Variants in DCC observed in about 807,000 individuals in gnomAD.
DCC encodes the protein DCC netrin 1 receptor, also known as netrin receptor DCC.
Under a neutral mutation model 172.5 loss-of-function variants are expected in DCC, and 58 were observed. The ratio of observed to expected loss-of-function variants is 0.34; its 90% CI spans 0.27 to 0.42. DCC has a LOEUF of 0.42. Ranked by LOEUF, DCC falls within the 10% of genes least tolerant of loss-of-function variation. DCC has a pLI of 1.00. For synonymous variants in DCC, 709 were observed against 644.5 expected (o/e 1.10, Z -1.52); for missense variants, 1,740 against 1,791.0 (o/e 0.97, Z 0.51).
intron 7 of DCC, among the ~76,000 whole-genome samples, chr18:53,071,788 G>T (rs2042654532): frequency 6.6e-6 from 1 of 152,156 alleles, no homozygotes; most frequent in South Asian, 2.1e-4. Context: ...CATTATTACT[G>T]CAAGTATACT....
At chr18:53,436,888 C>G (rs923145424) in intron 22 of DCC, among the ~76,000 whole-genome samples, 3 of 152,132 alleles carry the variant, frequency 2.0e-5, no homozygotes, top group Non-Finnish European at 4.4e-5. Context: ...GGCTCATTCT[C>G]TGCTTCACAG....
intron 7 of DCC, among the ~76,000 whole-genome samples, chr18:53,119,117 CT>C (rs2043447211): frequency 6.6e-6 from 1 of 151,742 alleles, no homozygotes. Context: ...CTGTGTCCCC[CT>C]GAGGTATCAC....
intron 1 of DCC, among the ~76,000 whole-genome samples, chr18:52,645,319 G>A (rs2034998552): frequency 6.6e-6 from 1 of 151,950 alleles, no homozygotes; most frequent in African/African-American, 2.4e-5. Context: ...AGAAATGGAA[G>A]GTTCTAAGGC....
intron 2 of DCC, among the ~76,000 whole-genome samples, chr18:52,818,887 G>A (rs28501638): frequency 0.042 from 6,467 of 152,298 alleles, 227 homozygotes; most frequent in South Asian, 0.17. Flanking sequence ...AAAAGTTAGA[G>A]ACTTGAATCA....
chr18:52,502,928 G>T (rs1346612907), intron 1 of DCC, among the ~76,000 whole-genome samples: 2 of 152,096 alleles, frequency 1.3e-5, no homozygotes, highest in East Asian at 3.9e-4. Flanking sequence ...GTGCTGTCTT[G>T]CTAATATTTG....
intron 6 of DCC, 125 bp from the exon 7 acceptor site, chr18:53,065,921 C>T: frequency 8.9e-7 from 1 of 1,128,728 alleles, no homozygotes; most frequent in East Asian, 2.4e-5. Flanking sequence ...GGCTGAGACC[C>T]CTCATGGCCT....
intron 5 of DCC, among the ~76,000 whole-genome samples, chr18:53,061,719 A>G (rs184428639): frequency 1.0e-3 from 158 of 152,282 alleles, no homozygotes; most frequent in African/African-American, 3.2e-3. Context: ...GTCTGGCTTC[A>G]TAATTTACAA....
chr18:53,193,416 T>G (rs4471756), intron 9 of DCC, among the ~76,000 whole-genome samples: 134,747 of 152,160 alleles, frequency 0.89, 59,834 homozygotes, highest in Middle Eastern at 0.94. Context: ...CATTTCCTTT[T>G]TGCCAGATAT....
At chr18:52,607,859 G>C (rs1221880) in intron 1 of DCC, among the ~76,000 whole-genome samples, 123,643 of 152,066 alleles carry the variant, frequency 0.81, 51,015 homozygotes, top group Middle Eastern at 0.91. Context: ...CAGAGAAACA[G>C]GGAGGTTTTC....
chr18:53,086,864 T>C (rs2042920700), intron 7 of DCC, among the ~76,000 whole-genome samples: 1 of 149,798 alleles, frequency 6.7e-6, no homozygotes, highest in South Asian at 2.1e-4. Context: ...TGGTTTTTTG[T>C]TCTTGCAATA....
At position 53,066,391 on chromosome 18, in the gene DCC, ATATATATG is replaced by A. The variant is rs1487021001; in HGVS notation, c.1261+227_1261+234del. Among the ~76,000 whole-genome samples, 248 of 100,880 alleles carry A rather than the reference ATATATATG, an allele frequency of 2.5e-3. 1 individual carries two copies. The highest frequency in any genetic ancestry group is 3.9e-3 in the Non-Finnish European group (189 of 48,762). The allele number at this position is 100,880 out of a possible 152,430, so 66.2% of individuals were successfully genotyped here. A position where few individuals can be genotyped will look rare whatever the true frequency, so the allele number is the denominator to read the frequency against. On this transcript the variant is annotated intron_variant, in intron 7 of 28. Coordinates refer to ENST00000442544, the MANE Select transcript of DCC (RefSeq NM_005215.4). ...TATATATATATATATATATATATAT[ATATATATG>A]TGCATGTGTGTATGTGTGTGTTTGT...
At chr18:52,804,012 T>G (rs958823619) in intron 2 of DCC, among the ~76,000 whole-genome samples, 6 of 152,182 alleles carry the variant, frequency 3.9e-5, no homozygotes, top group African/African-American at 1.4e-4. Context: ...GCACCTGGAC[T>G]CGGGCGTCTG....
At chr18:52,896,020 G>T (rs987346957) in intron 2 of DCC, among the ~76,000 whole-genome samples, 4 of 152,074 alleles carry the variant, frequency 2.6e-5, no homozygotes, top group African/African-American at 9.7e-5. Flanking sequence ...CTTGACCTCA[G>T]GTGATTCGCC....
intron 1 of DCC, among the ~76,000 whole-genome samples, chr18:52,459,918 C>A (rs12458565): frequency 2.0e-5 from 3 of 151,178 alleles, no homozygotes; most frequent in Non-Finnish European, 4.4e-5. Flanking sequence ...TATATACACA[C>A]ATATATATAT....
intron 12 of DCC, among the ~76,000 whole-genome samples, chr18:53,286,505 G>T (rs535810778): frequency 6.6e-6 from 1 of 152,204 alleles, no homozygotes; most frequent in East Asian, 1.9e-4. Flanking sequence ...TCTTTCTTTT[G>T]TAAATTGCCC....
At chr18:52,668,369 G>A (rs1487774596) in intron 1 of DCC, among the ~76,000 whole-genome samples, 1 of 152,174 alleles carries the variant, frequency 6.6e-6, no homozygotes, top group African/African-American at 2.4e-5. Context: ...TTCATGGACA[G>A]GAGGTACAGA....
intron 21 of DCC, among the ~76,000 whole-genome samples, chr18:53,425,396 C>T (rs1304162237): frequency 7.5e-6 from 1 of 133,220 alleles, no homozygotes; most frequent in African/African-American, 2.8e-5. Flanking sequence ...GTCTCACTCT[C>T]TCACCCGGGC....
intron 12 of DCC, among the ~76,000 whole-genome samples, chr18:53,222,228 G>A (rs1363032956): frequency 6.6e-6 from 1 of 151,954 alleles, no homozygotes; most frequent in Non-Finnish European, 1.5e-5. Flanking sequence ...CAACTTAACT[G>A]CTTTCTGTAA....
intron 5 of DCC, among the ~76,000 whole-genome samples, chr18:52,988,064 G>T (rs758923983): frequency 1.6e-4 from 24 of 152,074 alleles, no homozygotes; most frequent in Non-Finnish European, 3.4e-4. Flanking sequence ...TATTGTGCTT[G>T]GGGTTTTATT....
Sources: allele counts gnomAD v4.1 joint callset (sites outside exome capture counted in the v4.1 genomes callset), GRCh38; gene constraint gnomAD v4.1.1; transcripts MANE v1.5; gene names NCBI Gene and HGNC (gene_info 2026-07-23, HGNC 2026-07-21).